LIMD1: variants seen among roughly 807,000 people sequenced by gnomAD.
LIMD1 encodes the protein LIM domain containing 1, also known as LIM domain-containing protein 1.
A neutral mutation model predicts 58.4 loss-of-function variants in LIMD1; 23 were observed. The observed-to-expected ratio is 0.39, with a 90% CI of 0.28 to 0.56. The LOEUF (loss-of-function observed/expected upper bound fraction) is 0.56. Ranked by LOEUF, LIMD1 falls within the 20% of genes least tolerant of loss-of-function variation. The probability of loss-of-function intolerance (pLI) is 0.57; values close to 1 mark genes in which losing one functional copy is unlikely to be tolerated. For missense variants in LIMD1, 838 were observed against 855.5 expected, an observed-to-expected ratio of 0.98 and a Z score of 0.25; for synonymous variants, 334 against 345.5, an observed-to-expected ratio of 0.97 and a Z score of 0.37.
chr3:45,646,479 C>T (rs1001023265), intron 2 of LIMD1, among the ~76,000 whole-genome samples: 2 of 152,222 alleles, frequency 1.3e-5, no homozygotes, highest in Non-Finnish European at 2.9e-5. Flanking sequence ...AGTCCTCTGG[C>T]CTCTCTCTGA....
rs1697481285 is a variant in LIMD1 at position 45,664,112 on chromosome 3, C to T, written c.1511-1538C>T. 1.3e-5 allele frequency among the ~76,000 whole-genome samples: 2 copies of T among 151,930 alleles called. 1 individual carries two copies. The highest frequency in any genetic ancestry group is 4.2e-4 in the South Asian group (2 of 4,810). Reference sequence around the variant, plus strand: ...TCTCGAACTCCTGACCTCAGGTGATCCACCTGCCTCAGCCTCCCAAAGTGC... The same window carrying T: ...TCTCGAACTCCTGACCTCAGGTGATTCACCTGCCTCAGCCTCCCAAAGTGC... On this transcript the variant is annotated intron_variant, in intron 2 of 7. Coordinates refer to ENST00000273317, the MANE Select transcript of LIMD1 (RefSeq NM_014240.3).
chr3:45,666,309 C>T (rs546789831), intron 3 of LIMD1, among the ~76,000 whole-genome samples: 2 of 152,234 alleles, frequency 1.3e-5, no homozygotes, highest in Non-Finnish European at 2.9e-5. Flanking sequence ...GAACTCTGTG[C>T]TGCCATGTCT....
chr3:45,597,363 TA>T (rs1383138202), intron 1 of LIMD1, among the ~76,000 whole-genome samples: 1 of 152,134 alleles, frequency 6.6e-6, no homozygotes, highest in Non-Finnish European at 1.5e-5. Flanking sequence ...TACACCCAGG[TA>T]ACAGCCAACA....
intron 1 of LIMD1, among the ~76,000 whole-genome samples, chr3:45,615,778 T>C (rs144094655): frequency 7.4e-4 from 113 of 151,856 alleles, no homozygotes; most frequent in African/African-American, 2.6e-3. Flanking sequence ...TAATTTCTCA[T>C]CCCTCACTCC....
chr3:45,637,194 T>A (rs1458396041), intron 2 of LIMD1, among the ~76,000 whole-genome samples: 1 of 152,058 alleles, frequency 6.6e-6, no homozygotes, highest in African/African-American at 2.4e-5. Context: ...TCTGATAGGA[T>A]TAGCTAGGAA....
chr3:45,626,089 A>G (rs149004329), intron 1 of LIMD1, among the ~76,000 whole-genome samples: 266 of 152,332 alleles, frequency 1.7e-3, no homozygotes, highest in African/African-American at 6.3e-3. Flanking sequence ...ACATCTTTTA[A>G]AACGGGAAAC....
chr3:45,622,848 A>G (rs1701639159), intron 1 of LIMD1, among the ~76,000 whole-genome samples: 1 of 151,960 alleles, frequency 6.6e-6, no homozygotes, highest in Non-Finnish European at 1.5e-5. Context: ...TTGTATTTTT[A>G]GTAGAGACAG....
At chr3:45,639,566 C>G (rs568022538) in intron 2 of LIMD1, among the ~76,000 whole-genome samples, 1 of 152,314 alleles carries the variant, frequency 6.6e-6, no homozygotes, top group South Asian at 2.1e-4. Context: ...CTGGGATCTC[C>G]TTTATAAGGG....
intron 1 of LIMD1, among the ~76,000 whole-genome samples, chr3:45,627,057 C>T (rs551476712): frequency 5.9e-5 from 9 of 152,218 alleles, no homozygotes; most frequent in East Asian, 5.8e-4. Flanking sequence ...TTGGTGTCCC[C>T]GAAGGAGAGG....
intron 6 of LIMD1, chr3:45,673,974 G>A: frequency 3.6e-6 from 1 of 274,170 alleles, no homozygotes. Context: ...CCCCAACCCA[G>A]TACCCTTCTT....
At chr3:45,650,768 G>A (rs1199439941) in intron 2 of LIMD1, among the ~76,000 whole-genome samples, 1 of 151,928 alleles carries the variant, frequency 6.6e-6, no homozygotes, top group East Asian at 1.9e-4. Context: ...CCAAGTCTTT[G>A]CTATTTTGAA....
chr3:45,667,578 C>A (rs956360303), intron 3 of LIMD1, among the ~76,000 whole-genome samples: 2 of 149,406 alleles, frequency 1.3e-5, no homozygotes, highest in African/African-American at 5.0e-5. Context: ...GAAGAGAGCA[C>A]CTCATGTCTT....
At chr3:45,615,951 A>G (rs1199780784) in intron 1 of LIMD1, among the ~76,000 whole-genome samples, 1 of 152,090 alleles carries the variant, frequency 6.6e-6, no homozygotes, top group Non-Finnish European at 1.5e-5. Flanking sequence ...GTTTGATATA[A>G]TACTATGTCA....
At chr3:45,628,526 G>A (rs1701693051) in intron 1 of LIMD1, among the ~76,000 whole-genome samples, 1 of 152,244 alleles carries the variant, frequency 6.6e-6, no homozygotes, top group Non-Finnish European at 1.5e-5. Context: ...TGGCAAGGAT[G>A]TGGAGAATTT....
chr3:45,673,749 A>G (rs567127973), intron 6 of LIMD1: 65 of 535,586 alleles, frequency 1.2e-4, no homozygotes, highest in African/African-American at 1.1e-3. Flanking sequence ...CCTCATCTCT[A>G]CAAAAAATTG....
chr3:45,618,981 G>A (rs562577666), intron 1 of LIMD1, among the ~76,000 whole-genome samples: 47 of 152,210 alleles, frequency 3.1e-4, no homozygotes, highest in African/African-American at 8.9e-4. Flanking sequence ...AAAAATTATT[G>A]CGTTGTAAAC....
intron 2 of LIMD1, among the ~76,000 whole-genome samples, chr3:45,655,243 G>A (rs1206223832): frequency 1.3e-5 from 2 of 152,064 alleles, no homozygotes; most frequent in Non-Finnish European, 2.9e-5. Flanking sequence ...TTTATAAACG[G>A]CTGATGTAAA....
Position 45,677,528 on chromosome 3 carries a change from G to A in LIMD1, c.*469G>A, listed in dbSNP as rs962108340. 6.5e-6 allele frequency: 1 copy of A among 153,334 alleles called. No homozygotes were observed. Among genetic ancestry groups the A allele is most frequent in the Non-Finnish European group, 1.5e-5 (1 of 68,796 alleles). The allele number at this position is 153,334 out of a possible 1,614,324, so 9.5% of individuals were successfully genotyped here. On this transcript the variant is annotated 3_prime_UTR_variant, in exon 8 of 8. Transcript: ENST00000273317. Reference sequence around the variant, plus strand: ...CCTCCCCCGACATATATCATGGCATGATTTAAGGCTTCTTTTCACCTGAGA... The same window carrying A: ...CCTCCCCCGACATATATCATGGCATAATTTAAGGCTTCTTTTCACCTGAGA...
chr3:45,601,974 G>T (rs1163124700), intron 1 of LIMD1, among the ~76,000 whole-genome samples: 6 of 146,778 alleles, frequency 4.1e-5, no homozygotes, highest in Non-Finnish European at 7.4e-5. Flanking sequence ...ACAGAGTCTC[G>T]CTCTGTCGCC....
Sources: gnomAD v4.1 joint callset for allele counts (sites outside exome capture counted in the v4.1 genomes callset) on GRCh38, gnomAD v4.1.1 for gene constraint, MANE v1.5 for transcripts, NCBI Gene and HGNC (gene_info 2026-07-23, HGNC 2026-07-21) for gene names.